The following TSHZ3 variants were observed in gnomAD, a reference collection of about 807,000 sequenced individuals.
The protein encoded by TSHZ3 is teashirt homolog 3.
In TSHZ3, 10 loss-of-function variants were observed where a neutral mutation model predicts 64.5. The ratio of observed to expected loss-of-function variants is 0.16; its 90% CI spans 0.10 to 0.26. The LOEUF (loss-of-function observed/expected upper bound fraction) is 0.26. Among genes scored for constraint, TSHZ3 ranks in the 10% least tolerant of loss-of-function variants. The pLI is 1.00. For synonymous variants in TSHZ3, 608 were observed against 593.1 expected (o/e 1.03, Z -0.36); for missense variants, 1,242 against 1,421.7 (o/e 0.87, Z 2.03).
At chr19:31,350,315 C>G (rs927145067), upstream of TSHZ3, among the ~76,000 whole-genome samples, 2 of 150,706 alleles carry the variant, frequency 1.3e-5, no homozygotes, top group African/African-American at 2.4e-5. Flanking sequence ...TTTTTTTCCC[C>G]GGACAAACTT....
At chr19:31,264,969 C>T (rs1976029332) in intron 1 of TSHZ3, among the ~76,000 whole-genome samples, 1 of 152,032 alleles carries the variant, frequency 6.6e-6, no homozygotes, top group Non-Finnish European at 1.5e-5. Context: ...GGTAGGGGTC[C>T]CCAGCTATAC....
chr19:31,152,072 A>G (rs1974247312), intron 6 of TSHZ3, among the ~76,000 whole-genome samples: 1 of 152,146 alleles, frequency 6.6e-6, no homozygotes. Context: ...ACAAAGAGTC[A>G]ATTCTCCCTG....
Position 31,349,397 on chromosome 19 carries a change from C to A in TSHZ3, c.-178G>T. ...CAGGCTCTCCGCGTCCCCCCCGCGC[C>A]GCGCTCCGCCGCGAACCCCGAACGT... On this transcript the variant is annotated 5_prime_UTR_variant, in exon 1 of 2. Coordinates refer to ENST00000240587, the MANE Select transcript of TSHZ3 (RefSeq NM_020856.4). 2 of 450,556 alleles carry A rather than the reference C, an allele frequency of 4.4e-6. No homozygotes were observed. Among genetic ancestry groups the A allele is most frequent in the Non-Finnish European group, 7.3e-6 (2 of 274,218 alleles). 27.9% of individuals were successfully genotyped at this position (450,556 alleles called of 1,614,324 possible).
At chr19:31,239,348 C>T (rs981017770) in intron 3 of TSHZ3, among the ~76,000 whole-genome samples, 1 of 152,076 alleles carries the variant, frequency 6.6e-6, no homozygotes, top group African/African-American at 2.4e-5. Context: ...TATTTACAGA[C>T]TCATTTCCAA....
In TSHZ3 at chr19:31,315,714, G is replaced by A. The variant is rs41309439; in HGVS notation, c.40+33466C>T. On this transcript the variant is annotated intron_variant, in intron 1 of 1. Transcript: ENST00000240587. ...ATAAAGCTGAAAACAGCAGTGCTCC[G>A]AGGCAATTTAGACTGCAAAACACAA... is the stretch of plus-strand genomic sequence containing the variant. Among the ~76,000 whole-genome samples the A allele has an allele frequency of 4.4e-3, 667 of 152,324 alleles. 4 individuals carry two copies. Among genetic ancestry groups the A allele is most frequent in the Middle Eastern group, 0.034 (10 of 294 alleles).
chr19:31,301,245 C>T (rs560212497), intron 1 of TSHZ3, among the ~76,000 whole-genome samples: 16 of 152,160 alleles, frequency 1.1e-4, no homozygotes, highest in African/African-American at 3.6e-4. Context: ...GGCATCCCCA[C>T]CACGTCTCCC....
At chr19:31,188,511 T>A (rs1281831744) in intron 5 of TSHZ3, among the ~76,000 whole-genome samples, 6 of 151,950 alleles carry the variant, frequency 3.9e-5, no homozygotes, top group South Asian at 2.1e-4. Context: ...CACAAAAAAG[T>A]TTTTTTATGA....
intron 5 of TSHZ3, among the ~76,000 whole-genome samples, chr19:31,200,557 G>A (rs1975067205): frequency 6.6e-6 from 1 of 152,210 alleles, no homozygotes; most frequent in Non-Finnish European, 1.5e-5. Context: ...GATCAGTAGT[G>A]TCCAGTGGAG....
At chr19:31,265,498 A>G (rs527532944) in intron 1 of TSHZ3, among the ~76,000 whole-genome samples, 6 of 152,078 alleles carry the variant, frequency 3.9e-5, no homozygotes, top group African/African-American at 1.4e-4. Context: ...GATTCTCCCT[A>G]TTGTAAATTG....
chr19:31,337,317 C>T (rs1392030954), intron 1 of TSHZ3, among the ~76,000 whole-genome samples: 1 of 152,152 alleles, frequency 6.6e-6, no homozygotes, highest in Non-Finnish European at 1.5e-5. Context: ...AAAAACAAAA[C>T]AAGGTTTCTT....
At chr19:31,166,899 G>C (rs1974460537) in intron 5 of TSHZ3, among the ~76,000 whole-genome samples, 1 of 152,208 alleles carries the variant, frequency 6.6e-6, no homozygotes, top group Non-Finnish European at 1.5e-5. Context: ...GGCAAAGGTA[G>C]ATGACAGTAC....
chr19:31,294,161 C>T (rs1976623934), intron 1 of TSHZ3, among the ~76,000 whole-genome samples: 1 of 152,166 alleles, frequency 6.6e-6, no homozygotes, highest in Non-Finnish European at 1.5e-5. Context: ...GCACTGAGCA[C>T]CTGCATGGTA....
chr19:31,348,972 G>C (rs2021608394), intron 1 of TSHZ3: 1 of 584,630 alleles, frequency 1.7e-6, no homozygotes, highest in Non-Finnish European at 2.8e-6. Context: ...AAATGGGTGC[G>C]AGAGGGAAGA....
chr19:31,218,714 G>C (rs901912017), intron 4 of TSHZ3, among the ~76,000 whole-genome samples: 4 of 152,124 alleles, frequency 2.6e-5, no homozygotes, highest in Non-Finnish European at 5.9e-5. Flanking sequence ...ATATTGTTCA[G>C]AGCTAAAAAG....
At chr19:31,303,729 C>G (rs1370729565) in intron 1 of TSHZ3, among the ~76,000 whole-genome samples, 2 of 152,314 alleles carry the variant, frequency 1.3e-5, no homozygotes, top group South Asian at 2.1e-4. Flanking sequence ...ACAAAGGGCA[C>G]TGGCAAAAAG....
At position 31,210,277 on chromosome 19, in the gene TSHZ3, T is replaced by A. The variant is rs550324095; in HGVS notation, n.687-5199A>T. ...AGGAATGGGAAATCTTATAGTAATG[T>A]CACCAATGACATAGGCTCAAAAGGG... On this transcript the variant is annotated intron_variant and non_coding_transcript_variant, in intron 4 of 6. Coordinates refer to the TSHZ3 transcript ENST00000651361. Among the ~76,000 whole-genome samples, 3 of 152,270 alleles carry A rather than the reference T, an allele frequency of 2.0e-5. No homozygotes were observed. In the South Asian group the frequency reaches 6.2e-4, roughly 32 times the overall value.
chr19:31,161,894 G>A (rs2145104076), intron 5 of TSHZ3, among the ~76,000 whole-genome samples: 1 of 152,344 alleles, frequency 6.6e-6, no homozygotes, highest in South Asian at 2.1e-4. Flanking sequence ...CTCTGTTCCA[G>A]TGACGCTATT....
intron 4 of TSHZ3, among the ~76,000 whole-genome samples, chr19:31,213,326 C>T (rs1373546941): frequency 1.6e-5 from 2 of 121,926 alleles, no homozygotes; most frequent in Non-Finnish European, 3.2e-5. Flanking sequence ...CACTGCACTC[C>T]AGCCTGAGCA....
At chr19:31,333,006 G>C (rs549962106) in intron 1 of TSHZ3, among the ~76,000 whole-genome samples, 2 of 151,988 alleles carry the variant, frequency 1.3e-5, no homozygotes, top group Non-Finnish European at 2.9e-5. Context: ...TCAGGAGGCT[G>C]AGGTGGGAGG....
Sources: allele counts gnomAD v4.1 joint callset (sites outside exome capture counted in the v4.1 genomes callset), GRCh38; gene constraint gnomAD v4.1.1; transcripts MANE v1.5; gene names NCBI Gene and HGNC (gene_info 2026-07-23, HGNC 2026-07-21).